SRP72: variants seen among roughly 807,000 people sequenced by gnomAD.
SRP72 encodes the protein signal recognition particle 72.
SRP72 carries 49 observed loss-of-function variants against 96.3 expected under a neutral mutation model. That is an observed-to-expected ratio of 0.51 (90% CI 0.40 to 0.65). The LOEUF is 0.65. Among genes scored for constraint, SRP72 ranks in the 30% least tolerant of loss-of-function variants. The pLI is 0.00. For missense variants in SRP72, 736 were observed against 793.3 expected, an observed-to-expected ratio of 0.93 and a Z score of 0.87; for synonymous variants, 267 against 275.2, an observed-to-expected ratio of 0.97 and a Z score of 0.30.
intron 8 of SRP72, among the ~76,000 whole-genome samples, chr4:56,482,687 G>T (rs894762111): frequency 6.6e-6 from 1 of 152,128 alleles, no homozygotes; most frequent in East Asian, 1.9e-4. Context: ...ATTCTAGAGG[G>T]CATAGCTTGT....
chr4:56,476,456 CAA>C, intron 5 of SRP72: 3 of 549,908 alleles, frequency 5.5e-6, no homozygotes, highest in Non-Finnish European at 9.5e-6. Context: ...AGCACAGACA[CAA>C]CAAATGAAAG....
chr4:56,489,374 C>T lies in SRP72; in HGVS notation c.1225-14C>T. The T allele has an allele frequency of 1.3e-6, 2 of 1,518,730 alleles. No homozygotes were observed. The highest frequency in any genetic ancestry group is 9.0e-7 in the Non-Finnish European group (1 of 1,110,850). 94.1% of individuals were successfully genotyped at this position (1,518,730 alleles called of 1,614,324 possible). A position where few individuals can be genotyped will look rare whatever the true frequency, so the allele number is the denominator to read the frequency against. On this transcript the variant is annotated splice_polypyrimidine_tract_variant and intron_variant, in intron 12 of 18. Coordinates refer to ENST00000642900, the MANE Select transcript of SRP72 (RefSeq NM_006947.4). ...GAAGGGGGAGTTCACTAATTTATAC[C>T]TTTGGCTGTGTAGGTATCTGCATTA...
At chr4:56,478,293 G>C in intron 6 of SRP72, 86 bp from the exon 7 acceptor site, 10 of 1,360,248 alleles carry the variant, frequency 7.4e-6, no homozygotes, top group Non-Finnish European at 9.8e-6. Context: ...CTTCAGGATT[G>C]TATCTCTTTT....
chr4:56,501,325 G>A (rs573232167), intron 18 of SRP72, among the ~76,000 whole-genome samples: 6 of 152,200 alleles, frequency 3.9e-5, no homozygotes, highest in Admixed American at 2.6e-4. Context: ...GGAGAATCAC[G>A]TGAACCCAGA....
Position 56,486,416 on chromosome 4 carries a change from T to C in SRP72, c.1159+19T>C. The stretch of plus-strand genomic sequence containing the variant: ...TCTCAAGGTATTATGGTTTTCATCA[T>C]GATTAAAATATTTTAATGAAAACAT... On this transcript the variant is annotated intron_variant, in intron 11 of 18. Transcript: ENST00000642900. The C allele has an allele frequency of 1.9e-6, 3 of 1,554,166 alleles. No individual in the cohort carries two copies. Among genetic ancestry groups the C allele is most frequent in the Admixed American group, 1.8e-5 (1 of 55,498 alleles).
At chr4:56,481,233 T>A (rs1720471868) in intron 8 of SRP72, among the ~76,000 whole-genome samples, 1 of 152,202 alleles carries the variant, frequency 6.6e-6, no homozygotes, top group Admixed American at 6.5e-5. Flanking sequence ...TTATTTTAGA[T>A]TTTTTTCGCT....
rs776245931 is a variant in SRP72 at position 56,501,772 on chromosome 4, C to T, written c.1927C>T (p.Pro643Ser). Residue 643 changes from proline to serine, a missense_variant, in exon 19 of 19, where the codon CCC (proline) becomes TCC (serine). Coordinates refer to ENST00000642900, the MANE Select transcript of SRP72 (RefSeq NM_006947.4). ...ATCTGCCTCTACAAGTAACATCATA[C>T]CCCCAAGACACCAGAAACCTGCAGG... ...TVSASTSNII[P>S]PRHQKPAGAP... 2 of 1,614,082 alleles carry T rather than the reference C, an allele frequency of 1.2e-6. No homozygotes were observed. The highest frequency in any genetic ancestry group is 1.7e-6 in the Non-Finnish European group (2 of 1,179,984).
intron 10 of SRP72, among the ~76,000 whole-genome samples, chr4:56,485,526 C>T (rs1003600012): frequency 2.6e-5 from 4 of 151,942 alleles, no homozygotes; most frequent in African/African-American, 4.8e-5. Flanking sequence ...GGTCGCCAGG[C>T]GTAGTGGCTG....
At position 56,491,451 on chromosome 4, in the gene SRP72, C is replaced by T. The variant is rs151333733; in HGVS notation, c.1523C>T (p.Ser508Leu). ...CACAGTCTTAGTAAACACTTGCCATCGTCAGATAGTATGTCTCTAAAAGTA... is the reference window on the plus strand; with the variant it reads ...CACAGTCTTAGTAAACACTTGCCATTGTCAGATAGTATGTCTCTAAAAGTA... ...KAKALSKHLPSSDSMSLKVDV... is the reference protein window; with the variant it reads ...KAKALSKHLPLSDSMSLKVDV... The change falls in exon 16 of 19, where the codon TCG becomes TTG. Residue 508 changes from serine to leucine, a missense_variant. Ser to Leu is a moderately radical substitution (Grantham distance 145). Coordinates refer to ENST00000642900, the MANE Select transcript of SRP72 (RefSeq NM_006947.4). 4 of 1,613,658 alleles carry T rather than the reference C, an allele frequency of 2.5e-6. No homozygotes were observed. Among genetic ancestry groups the T allele is most frequent in the African/African-American group, 1.3e-5 (1 of 74,884 alleles).
At position 56,479,364 on chromosome 4, in the gene SRP72, A is replaced by G. The variant is rs560278446; in HGVS notation, c.825+715A>G. On this transcript the variant is annotated intron_variant, in intron 8 of 18. Transcript: ENST00000642900. ...CTGTCTAATTTTTCGTATTTTTAGT[A>G]GAGACGGGGTTTCACCATGTTAGCC... Among the ~76,000 whole-genome samples, 493 of 152,038 alleles carry G rather than the reference A, an allele frequency of 3.2e-3. 1 individual carries two copies. Among genetic ancestry groups the G allele is most frequent in the Non-Finnish European group, 5.8e-3 (391 of 67,960 alleles).
chr4:56,496,775 G>T (rs758451227), intron 17 of SRP72, among the ~76,000 whole-genome samples: 40 of 152,108 alleles, frequency 2.6e-4, no homozygotes, highest in Non-Finnish European at 4.7e-4. Flanking sequence ...ATCATTTGAG[G>T]TCAGGAGTTC....
At chr4:56,496,327 A>G (rs968055484) in intron 17 of SRP72, among the ~76,000 whole-genome samples, 4 of 152,106 alleles carry the variant, frequency 2.6e-5, no homozygotes, top group African/African-American at 9.7e-5. Flanking sequence ...TTTATTGACA[A>G]TATCTTTTCT....
chr4:56,470,824 A>G (rs1268977611), intron 2 of SRP72, among the ~76,000 whole-genome samples: 1 of 150,656 alleles, frequency 6.6e-6, no homozygotes, highest in Non-Finnish European at 1.5e-5. Flanking sequence ...AGTCTTGGAT[A>G]AAAGTTTTTT....
intron 17 of SRP72, among the ~76,000 whole-genome samples, chr4:56,499,110 C>G (rs1721174614): frequency 6.6e-6 from 1 of 152,144 alleles, no homozygotes. Flanking sequence ...AGAAATAACA[C>G]CACACATCTA....
chr4:56,479,521 T>C (rs939206436), intron 8 of SRP72, among the ~76,000 whole-genome samples: 1 of 145,136 alleles, frequency 6.9e-6, no homozygotes, highest in African/African-American at 2.5e-5. Context: ...CTTTCTTTCT[T>C]TTTTTTTTTT....
At position 56,502,523 on chromosome 4, in the gene SRP72, TATATA is replaced by T. The variant is rs1285253390; in HGVS notation, c.*663_*667del. ...TATATATATATATATAAACATGAAA[TATATA>T]TATATGGCTCCTTTGTGCCCCATGT... On this transcript the variant is annotated 3_prime_UTR_variant, in exon 19 of 19. Coordinates refer to ENST00000642900, the MANE Select transcript of SRP72 (RefSeq NM_006947.4). 1 of 146,730 alleles carries T rather than the reference TATATA, an allele frequency of 6.8e-6. No individual in the cohort carries two copies. The highest frequency in any genetic ancestry group is 2.5e-5 in the African/African-American group (1 of 40,384). The allele number at this position is 146,730 out of a possible 1,614,324, so 9.1% of individuals were successfully genotyped here.
At chr4:56,476,901 C>G in intron 6 of SRP72, 199 bp downstream of exon 6, 1 of 565,908 alleles carries the variant, frequency 1.8e-6, no homozygotes, top group Non-Finnish European at 3.0e-6. Flanking sequence ...AAAATTTTGA[C>G]ATAACCTTAA....
intron 5 of SRP72, chr4:56,475,791 A>C (rs1720194005): frequency 6.6e-6 from 1 of 152,098 alleles, no homozygotes; most frequent in Non-Finnish European, 1.5e-5. Flanking sequence ...AAATTTACCT[A>C]CCCTTTGATC....
intron 16 of SRP72, among the ~76,000 whole-genome samples, chr4:56,492,111 A>G (rs1560686814): frequency 1.3e-5 from 2 of 152,294 alleles, no homozygotes; most frequent in East Asian, 3.9e-4. Context: ...AGTGCTGGGC[A>G]CCACGCCCAG....
Sources: gnomAD v4.1 joint callset for allele counts (sites outside exome capture counted in the v4.1 genomes callset) on GRCh38, gnomAD v4.1.1 for gene constraint, MANE v1.5 for transcripts, NCBI Gene and HGNC (gene_info 2026-07-23, HGNC 2026-07-21) for gene names.